Variants in AP1S3 observed in about 807,000 individuals in gnomAD.
AP1S3 encodes adaptor related protein complex 1 subunit sigma 3.
Under a neutral mutation model 20.9 loss-of-function variants are expected in AP1S3, and 10 were observed. The observed-to-expected ratio is 0.48, with a 90% confidence interval of 0.29 to 0.81. The LOEUF (loss-of-function observed/expected upper bound fraction) is 0.81. AP1S3 is among the 30% of genes least tolerant of loss of function. The probability of loss-of-function intolerance (pLI) is 0.08; values close to 1 mark genes in which losing one functional copy is unlikely to be tolerated. For synonymous variants in AP1S3, 41 were observed against 61.5 expected (o/e 0.67, Z 1.56); for missense variants, 154 against 183.8 (o/e 0.84, Z 0.94).
At chr2:223,766,601 TTGG>T (rs1471173936) in intron 3 of AP1S3, among the ~76,000 whole-genome samples, 12 of 152,332 alleles carry the variant, frequency 7.9e-5, no homozygotes, top group Admixed American at 4.6e-4. Context: ...TTTTACACTG[TTGG>T]TGGGAGTGTA....
chr2:223,834,815 CATTTTT>C (rs1330614047), intron 1 of AP1S3, among the ~76,000 whole-genome samples: 1 of 151,652 alleles, frequency 6.6e-6, no homozygotes, highest in East Asian at 1.9e-4. Context: ...ACATAAATAA[CATTTTT>C]ATGACCAATA....
At chr2:223,818,639 G>A (rs1475767734) in intron 1 of AP1S3, among the ~76,000 whole-genome samples, 2 of 151,772 alleles carry the variant, frequency 1.3e-5, no homozygotes, top group African/African-American at 4.8e-5. Flanking sequence ...TGCAACCTCC[G>A]CCTCCTGGGT....
chr2:223,770,631 T>C (rs1396420176), intron 3 of AP1S3, among the ~76,000 whole-genome samples: 2 of 151,290 alleles, frequency 1.3e-5, no homozygotes, highest in African/African-American at 4.9e-5. Context: ...CTATTTCACA[T>C]ACAGCAACAC....
chr2:223,779,629 G>A (rs1393493068), intron 1 of AP1S3, among the ~76,000 whole-genome samples: 1 of 151,812 alleles, frequency 6.6e-6, no homozygotes, highest in Non-Finnish European at 1.5e-5. Flanking sequence ...TATATACCAG[G>A]AACAAAAAAT....
intron 1 of AP1S3, among the ~76,000 whole-genome samples, chr2:223,810,959 A>T (rs1424447485): frequency 2.0e-5 from 3 of 152,138 alleles, no homozygotes; most frequent in Non-Finnish European, 4.4e-5. Flanking sequence ...TCAAATTTTT[A>T]AAAATTTTTT....
At chr2:223,792,360 T>C (rs1574706689) in intron 1 of AP1S3, among the ~76,000 whole-genome samples, 1 of 152,086 alleles carries the variant, frequency 6.6e-6, no homozygotes, top group Non-Finnish European at 1.5e-5. Context: ...TGGAACAGAA[T>C]AGAAAACTCA....
intron 1 of AP1S3, among the ~76,000 whole-genome samples, chr2:223,825,066 T>C (rs1174343778): frequency 6.6e-6 from 1 of 151,688 alleles, no homozygotes; most frequent in African/African-American, 2.4e-5. Context: ...TCACAGCACT[T>C]TGGGAGGCTG....
At chr2:223,760,034 A>G (rs1690315777) in intron 4 of AP1S3, among the ~76,000 whole-genome samples, 1 of 152,164 alleles carries the variant, frequency 6.6e-6, no homozygotes, top group Non-Finnish European at 1.5e-5. Flanking sequence ...TTAAAAAAAA[A>G]TGTTTGAACA....
At chr2:223,794,646 T>C (rs1273622441) in intron 1 of AP1S3, among the ~76,000 whole-genome samples, 1 of 152,122 alleles carries the variant, frequency 6.6e-6, no homozygotes. Context: ...ATTATAAAAA[T>C]GTTACACACG....
intron 1 of AP1S3, among the ~76,000 whole-genome samples, chr2:223,804,023 T>C (rs1691525870): frequency 6.6e-6 from 1 of 152,182 alleles, no homozygotes; most frequent in Admixed American, 6.6e-5. Flanking sequence ...AAGTAGAATG[T>C]TGAATTATAC....
rs1372407709 is a variant in AP1S3, at chr2:223,806,716, C to CATAT, written c.4-28851_4-28848dup. 2.0e-5 allele frequency among the ~76,000 whole-genome samples: 3 copies of CATAT among 152,104 alleles called. No individual in the cohort carries two copies. In the East Asian group the frequency reaches 5.8e-4, roughly 29 times the overall value. On this transcript the variant is annotated intron_variant, in intron 1 of 4. Coordinates refer to ENST00000396654, the MANE Select transcript of AP1S3 (RefSeq NM_001039569.2). ...ATGTATACATTCTTATAGATAAAAACATATACCTGTGTGTGTGTGTGTGAG... is the reference window on the plus strand; with the variant it reads ...ATGTATACATTCTTATAGATAAAAACATATATATACCTGTGTGTGTGTGTGTGAG...
chr2:223,793,818 T>G (rs1691272032), intron 1 of AP1S3, among the ~76,000 whole-genome samples: 3 of 152,084 alleles, frequency 2.0e-5, no homozygotes, highest in Admixed American at 2.0e-4. Context: ...TTTTTTTTGT[T>G]TGTTTTTGTT....
rs916261732 is a variant in AP1S3 at position 223,777,844 on chromosome 2, C to T, written c.29G>A (p.Arg10Gln). MIHFILLFS[R>Q]QGKLRLQKWY... ...TTTCTGTAGCCGTAATTTCCCTTGT[C>T]GACTGAAGAGCAATATGAAATGTAT... The change falls in exon 2 of 5, where the codon CGA becomes CAA. Residue 10 changes from arginine (R) to glutamine (Q), a missense_variant. Transcript: ENST00000396654. 1.5e-5 allele frequency: 24 copies of T among 1,613,722 alleles called. No homozygotes were observed. Among genetic ancestry groups the T allele is most frequent in the East Asian group, 8.9e-5 (4 of 44,858 alleles).
chr2:223,815,472 T>C (rs368605941), intron 1 of AP1S3, among the ~76,000 whole-genome samples: 6 of 152,128 alleles, frequency 3.9e-5, no homozygotes, highest in African/African-American at 1.4e-4. Context: ...AAAATCACTT[T>C]CCCTCCCAAG....
chr2:223,824,716 C>A (rs1692079480), intron 1 of AP1S3, among the ~76,000 whole-genome samples: 1 of 151,940 alleles, frequency 6.6e-6, no homozygotes, highest in Non-Finnish European at 1.5e-5. Context: ...TCTATATTTT[C>A]AGGAGAGATA....
chr2:223,778,016 C>G (rs1430419954), intron 1 of AP1S3, 147 bp from the exon 2 acceptor site: 1 of 642,470 alleles, frequency 1.6e-6, no homozygotes, highest in Non-Finnish European at 2.5e-6. Context: ...ACTATCTCAT[C>G]TGACAAATTA....
intron 1 of AP1S3, among the ~76,000 whole-genome samples, chr2:223,805,332 A>C (rs1477230530): frequency 1.3e-5 from 2 of 152,092 alleles, no homozygotes; most frequent in Non-Finnish European, 2.9e-5. Context: ...AATCCTGGCT[A>C]CTCGGGAGCC....
At chr2:223,797,814 A>C (rs984558337) in intron 1 of AP1S3, among the ~76,000 whole-genome samples, 1 of 152,234 alleles carries the variant, frequency 6.6e-6, no homozygotes, top group Non-Finnish European at 1.5e-5. Flanking sequence ...CAAGCTAAAC[A>C]AAGCACACTG....
At chr2:223,765,417 C>A in intron 3 of AP1S3, 67 bp from the exon 4 acceptor site, 1 of 1,519,806 alleles carries the variant, frequency 6.6e-7, no homozygotes, top group South Asian at 1.3e-5. Context: ...CTGCCCGAAT[C>A]TCGAGCTTTT....
Sources: allele counts gnomAD v4.1 joint callset (sites outside exome capture counted in the v4.1 genomes callset), GRCh38; gene constraint gnomAD v4.1.1; transcripts MANE v1.5; gene names NCBI Gene and HGNC (gene_info 2026-07-23, HGNC 2026-07-21).